The following LARP4 variants were observed in gnomAD, a reference collection of about 807,000 sequenced individuals.
The protein encoded by LARP4 is la-related protein 4.
LARP4 carries 29 observed loss-of-function variants against 92.9 expected under a neutral mutation model. That is an observed-to-expected ratio of 0.31 (90% confidence interval 0.23 to 0.43). LARP4 has a LOEUF of 0.43. Among genes scored for constraint, LARP4 ranks in the 20% least tolerant of loss-of-function variants. The pLI is 1.00. For synonymous variants in LARP4, 279 were observed against 284.1 expected (o/e 0.98, Z 0.18); for missense variants, 732 against 860.0 (o/e 0.85, Z 1.86).
At chr12:50,409,498 T>G (rs1192875332) in intron 1 of LARP4, among the ~76,000 whole-genome samples, 2 of 152,084 alleles carry the variant, frequency 1.3e-5, no homozygotes, top group Non-Finnish European at 2.9e-5. Context: ...CAGTGGCTCA[T>G]GCCTGTAATC....
chr12:50,434,996 C>T (rs1593060762), intron 4 of LARP4, among the ~76,000 whole-genome samples: 1 of 152,162 alleles, frequency 6.6e-6, no homozygotes, highest in Non-Finnish European at 1.5e-5. Flanking sequence ...TGCAGTGAGT[C>T]GAGTTTGCGC....
In LARP4 at chr12:50,473,547, T is replaced by C; in HGVS notation, c.1667+11T>C. 6.2e-7 allele frequency: 1 copy of C among 1,611,478 alleles called. No homozygotes were observed. Among genetic ancestry groups the C allele is most frequent in the Non-Finnish European group, 8.5e-7 (1 of 1,178,422 alleles). On this transcript the variant is annotated intron_variant, in intron 14 of 15. Transcript: ENST00000398473. Reference sequence around the variant, plus strand: ...GCTTACTGCATTAAGGTACAAGTTATAGTATAGAAGATCTTCAACATTAAA... The same window carrying C: ...GCTTACTGCATTAAGGTACAAGTTACAGTATAGAAGATCTTCAACATTAAA...
chr12:50,469,258 C>CT (rs1168113329), intron 13 of LARP4, among the ~76,000 whole-genome samples: 2 of 152,018 alleles, frequency 1.3e-5, no homozygotes, highest in Non-Finnish European at 2.9e-5. Flanking sequence ...CTAAGATACA[C>CT]TTTTTTCCCC....
chr12:50,440,534 C>A lies in LARP4; in HGVS notation c.735C>A (p.Asp245Glu). Residue 245 changes from aspartate to glutamate, a missense_variant, in exon 7 of 16, where the codon GAC (aspartate) becomes GAA (glutamate). Physicochemically the swap from Asp to Glu is conservative, Grantham distance 45. Around this residue, in one of 7 missense-constraint regions of LARP4, gnomAD observed 236 missense variants for 307.6 expected, o/e 0.77. Transcript: ENST00000398473. Reference sequence around the variant, plus strand: ...ACTGGTATATCACTTTCCAGTCAGACACAGATGCACAACAGGTAAGAAGAA... The same window carrying A: ...ACTGGTATATCACTTTCCAGTCAGAAACAGATGCACAACAGGTAAGAAGAA... ...NSNWYITFQS[D>E]TDAQQAFKYL... The A allele has an allele frequency of 6.2e-7, 1 of 1,608,634 alleles. No individual in the cohort carries two copies. The highest frequency in any genetic ancestry group is 8.5e-7 in the Non-Finnish European group (1 of 1,175,038).
At chr12:50,443,981 G>T (rs1205645354) in intron 8 of LARP4, among the ~76,000 whole-genome samples, 1 of 152,000 alleles carries the variant, frequency 6.6e-6, no homozygotes, top group Non-Finnish European at 1.5e-5. Flanking sequence ...CTTTGTCCTT[G>T]ACCCTATTTT....
At chr12:50,432,063 G>A (rs1372396100) in intron 4 of LARP4, among the ~76,000 whole-genome samples, 1 of 147,610 alleles carries the variant, frequency 6.8e-6, no homozygotes, top group Non-Finnish European at 1.5e-5. Context: ...TTGAACCCAG[G>A]ATGTGGAGTA....
intron 8 of LARP4, among the ~76,000 whole-genome samples, chr12:50,449,996 C>T (rs368370290): frequency 1.5e-5 from 2 of 133,844 alleles, no homozygotes; most frequent in Non-Finnish European, 1.5e-5. Flanking sequence ...TGCAGTGGCA[C>T]GATCTCAGCT....
intron 10 of LARP4, among the ~76,000 whole-genome samples, chr12:50,458,357 C>T (rs1339986525): frequency 2.0e-5 from 3 of 152,066 alleles, no homozygotes; most frequent in African/African-American, 7.2e-5. Flanking sequence ...GTCTTGATCT[C>T]TTGACCTCGT....
chr12:50,460,460 G>A (rs546176584), intron 10 of LARP4, among the ~76,000 whole-genome samples: 1 of 152,166 alleles, frequency 6.6e-6, no homozygotes, highest in East Asian at 1.9e-4. Flanking sequence ...CCAAGTAGCT[G>A]GGCATATTAT....
At chr12:50,405,307 TTC>T (rs1323628149) in intron 1 of LARP4, among the ~76,000 whole-genome samples, 1 of 152,168 alleles carries the variant, frequency 6.6e-6, no homozygotes, top group Non-Finnish European at 1.5e-5. Context: ...CTGCCATGAA[TTC>T]TTTTACAACA....
At chr12:50,433,269 ATTTT>A (rs60797979) in intron 4 of LARP4, among the ~76,000 whole-genome samples, 20 of 117,246 alleles carry the variant, frequency 1.7e-4, no homozygotes, top group South Asian at 2.6e-4. Context: ...CAAAAACGTG[ATTTT>A]TTTTTTTTTT....
At chr12:50,475,405 T>G in intron 15 of LARP4, 121 bp from the exon 16 acceptor site, 1 of 753,630 alleles carries the variant, frequency 1.3e-6, no homozygotes, top group East Asian at 2.5e-5. Flanking sequence ...TATATGAGAG[T>G]GCTTGTTGCC....
At chr12:50,402,452 T>A (rs1187134292) in intron 1 of LARP4, among the ~76,000 whole-genome samples, 1 of 152,230 alleles carries the variant, frequency 6.6e-6, no homozygotes, top group East Asian at 1.9e-4. Flanking sequence ...CCAGTTTTTT[T>A]AAGGAATGTT....
intron 12 of LARP4, among the ~76,000 whole-genome samples, chr12:50,464,840 G>A (rs1045717708): frequency 2.7e-5 from 4 of 149,940 alleles, no homozygotes; most frequent in Admixed American, 1.3e-4. Context: ...ACAGGCGCTC[G>A]CCACCGTGCC....
intron 8 of LARP4, among the ~76,000 whole-genome samples, chr12:50,453,218 T>G (rs1394187959): frequency 6.6e-6 from 1 of 151,940 alleles, no homozygotes; most frequent in Admixed American, 6.6e-5. Flanking sequence ...CCTGGTTATT[T>G]TGACGTGTGT....
chr12:50,452,326 C>T (rs1210189781), intron 8 of LARP4, among the ~76,000 whole-genome samples: 2 of 152,088 alleles, frequency 1.3e-5, no homozygotes, highest in Non-Finnish European at 2.9e-5. Flanking sequence ...GGATTACAGG[C>T]GTGTGCCACC....
In LARP4 at chr12:50,413,508, T is replaced by C. The variant is rs149954752; in HGVS notation, c.18+12480T>C. On this transcript the variant is annotated intron_variant, in intron 1 of 15. Coordinates refer to ENST00000398473, the MANE Select transcript of LARP4 (RefSeq NM_052879.5). The stretch of plus-strand genomic sequence containing the variant: ...TTTTAAAGATAATTCAATCTTGCCT[T>C]GTTCAGGGATACATCCTGAGGGATG... Among the ~76,000 whole-genome samples the C allele has an allele frequency of 4.9e-3, 752 of 152,286 alleles. 12 individuals carry two copies. The highest frequency in any genetic ancestry group is 0.015 in the Admixed American group (231 of 15,292).
In LARP4 at chr12:50,462,610, C is replaced by T. The variant is rs1955583198; in HGVS notation, c.1363C>T (p.Arg455Ter). The change falls in exon 12 of 16, where the codon CGA becomes TGA. Residue 455 changes from arginine to a stop codon, truncating the protein, a stop_gained. Coordinates refer to ENST00000398473, the MANE Select transcript of LARP4 (RefSeq NM_052879.5). LOFTEE classifies it high-confidence loss of function. ...RRTLFRGRRR[R>*]EDDRISRPHP... ...AACTCTCTTCAGAGGTCGAAGACGACGAGAAGATGACAGGATCTCAGTAAG... is the reference window on the plus strand; with the variant it reads ...AACTCTCTTCAGAGGTCGAAGACGATGAGAAGATGACAGGATCTCAGTAAG... 7.2e-7 allele frequency: 1 copy of T among 1,392,252 alleles called. No individual in the cohort carries two copies. The allele number at this position is 1,392,252 out of a possible 1,614,324, so 86.2% of individuals were successfully genotyped here.
chr12:50,474,464 C>T (rs961929250), intron 15 of LARP4, among the ~76,000 whole-genome samples: 9 of 152,176 alleles, frequency 5.9e-5, no homozygotes, highest in African/African-American at 1.7e-4. Flanking sequence ...TCTCCTGCCT[C>T]AGCCTCCCGG....
Sources: gnomAD v4.1 joint callset for allele counts (sites outside exome capture counted in the v4.1 genomes callset) on GRCh38, gnomAD v4.1.1 for gene constraint, gnomAD v4.1.1 regional missense constraint, MANE v1.5 for transcripts, NCBI Gene and HGNC (gene_info 2026-07-23, HGNC 2026-07-21) for gene names.